The following IKBKB-DT variants were observed in gnomAD, a reference collection of about 807,000 sequenced individuals.
The protein encoded by IKBKB-DT is IKBKB divergent transcript, also known as IKBKB antisense RNA.
intron 3 of IKBKB-DT, among the ~76,000 whole-genome samples, chr8:42,253,772 C>T (rs144827520): frequency 4.6e-5 from 7 of 152,190 alleles, no homozygotes; most frequent in African/African-American, 9.6e-5. Flanking sequence ...GAGAGTACAC[C>T]GAACAAAGGA....
intron 3 of IKBKB-DT, among the ~76,000 whole-genome samples, chr8:42,236,025 T>G (rs1806917450): frequency 6.6e-6 from 1 of 151,938 alleles, no homozygotes; most frequent in Non-Finnish European, 1.5e-5. Flanking sequence ...AGACTCCATC[T>G]CAAAAAACAA....
intron 3 of IKBKB-DT, among the ~76,000 whole-genome samples, chr8:42,238,133 A>G (rs1443435916): frequency 6.6e-6 from 1 of 151,668 alleles, no homozygotes; most frequent in African/African-American, 2.4e-5. Context: ...AGCAGTAACT[A>G]GGAATTCCGA....
intron 3 of IKBKB-DT, among the ~76,000 whole-genome samples, chr8:42,235,499 A>G (rs1480059367): frequency 1.3e-5 from 2 of 152,060 alleles, no homozygotes; most frequent in African/African-American, 2.4e-5. Context: ...GCCACCGCAC[A>G]TGGCCTGATT....
chr8:42,266,052 A>G (rs1159525170), exon 2 of IKBKB-DT: 1 of 152,346 alleles, frequency 6.6e-6, no homozygotes, highest in African/African-American at 2.4e-5. Context: ...GGTCCCCAGA[A>G]CAAAGGCAGA....
chr8:42,240,226 T>TTG (rs1333037002), intron 3 of IKBKB-DT, among the ~76,000 whole-genome samples: 1 of 151,818 alleles, frequency 6.6e-6, no homozygotes, highest in Admixed American at 6.6e-5. Context: ...AAATGCTGTT[T>TTG]TTTTTTTTTT....
chr8:42,266,726 G>T (rs561563717), intron 1 of IKBKB-DT, among the ~76,000 whole-genome samples: 44 of 152,212 alleles, frequency 2.9e-4, no homozygotes, highest in African/African-American at 8.9e-4. Flanking sequence ...TAAAGAAGCC[G>T]GCTCTAACCC....
chr8:42,251,515 T>C (rs564745039), intron 3 of IKBKB-DT, among the ~76,000 whole-genome samples: 4 of 152,260 alleles, frequency 2.6e-5, no homozygotes, highest in South Asian at 2.1e-4. Flanking sequence ...AACAGTTACA[T>C]AGGATAGGGT....
At chr8:42,240,969 C>T (rs545642049) in intron 3 of IKBKB-DT, among the ~76,000 whole-genome samples, 26 of 151,346 alleles carry the variant, frequency 1.7e-4, no homozygotes, top group Admixed American at 9.2e-4. Flanking sequence ...AGCAAGACTC[C>T]GTCTCAAAAA....
intron 3 of IKBKB-DT, among the ~76,000 whole-genome samples, chr8:42,261,152 C>A (rs1807283013): frequency 6.6e-6 from 1 of 152,024 alleles, no homozygotes; most frequent in Admixed American, 6.6e-5. Context: ...ATGGTGAGAC[C>A]CCACCTCTAC....
chr8:42,258,636 T>C (rs1757856117), intron 3 of IKBKB-DT, among the ~76,000 whole-genome samples: 1 of 151,518 alleles, frequency 6.6e-6, no homozygotes, highest in Non-Finnish European at 1.5e-5. Flanking sequence ...GCCCGGCTAA[T>C]TTTTTGTATT....
At chr8:42,237,209 C>T (rs1015382371) in intron 3 of IKBKB-DT, among the ~76,000 whole-genome samples, 1 of 152,050 alleles carries the variant, frequency 6.6e-6, no homozygotes, top group Non-Finnish European at 1.5e-5. Flanking sequence ...GCCTTAGCCT[C>T]CCGAGTAGCT....
intron 3 of IKBKB-DT, among the ~76,000 whole-genome samples, chr8:42,261,514 C>T (rs1024380880): frequency 2.0e-5 from 3 of 152,152 alleles, no homozygotes; most frequent in African/African-American, 7.2e-5. Context: ...AAATGCCATA[C>T]ACCCTGTAGT....
At chr8:42,250,664 G>A (rs914602489) in intron 3 of IKBKB-DT, among the ~76,000 whole-genome samples, 22 of 152,176 alleles carry the variant, frequency 1.4e-4, no homozygotes, top group African/African-American at 2.7e-4. Context: ...GGCAGGGAAC[G>A]GTGGTGATGG....
At chr8:42,259,114 C>T (rs1469180451) in intron 3 of IKBKB-DT, among the ~76,000 whole-genome samples, 1 of 152,092 alleles carries the variant, frequency 6.6e-6, no homozygotes, top group Non-Finnish European at 1.5e-5. Context: ...CAACCTCTGC[C>T]TCTCGGGTTC....
chr8:42,254,769 G>A (rs1286156860), intron 3 of IKBKB-DT, among the ~76,000 whole-genome samples: 2 of 142,590 alleles, frequency 1.4e-5, no homozygotes, highest in Non-Finnish European at 3.0e-5. Context: ...CTGCCCAGCC[G>A]CCCAACTGTC....
In IKBKB-DT at chr8:42,235,921, G is replaced by A. The variant is rs543136340; in HGVS notation, n.1530-2062C>T. On this transcript the variant is annotated intron_variant and non_coding_transcript_variant, in intron 3 of 3. Coordinates refer to ENST00000518213, the Ensembl canonical transcript of IKBKB-DT. ...AGGCATGGTGGCGGGCACCTGTTGAGGCAGGAGGATTGCTTGAACCGGGTG... is the reference window on the plus strand; with the variant it reads ...AGGCATGGTGGCGGGCACCTGTTGAAGCAGGAGGATTGCTTGAACCGGGTG... Among the ~76,000 whole-genome samples the A allele has an allele frequency of 3.7e-4, 56 of 152,200 alleles. No homozygotes were observed. In the South Asian group the frequency reaches 0.011, roughly 30 times the overall value.
intron 3 of IKBKB-DT, among the ~76,000 whole-genome samples, chr8:42,247,549 C>T (rs961194668): frequency 2.0e-5 from 3 of 152,008 alleles, no homozygotes; most frequent in Admixed American, 6.6e-5. Flanking sequence ...GGTTTTGAAA[C>T]GTGAAAGGGC....
chr8:42,256,004 C>A lies in IKBKB-DT; in HGVS notation n.1529+7325G>T, dbSNP rs191320029. 4.1e-3 allele frequency among the ~76,000 whole-genome samples: 587 copies of A among 144,246 alleles called. 5 individuals carry two copies. Among genetic ancestry groups the A allele is most frequent in the African/African-American group, 0.014 (559 of 38,928 alleles). The allele number at this position is 144,246 out of a possible 152,430, so 94.6% of individuals were successfully genotyped here. On this transcript the variant is annotated intron_variant and non_coding_transcript_variant, in intron 3 of 3. Coordinates refer to ENST00000518213, the Ensembl canonical transcript of IKBKB-DT. ...TTGCACCATTGCACTCCAGCCTGGG[C>A]GACAAGAGTGAAACTCCATCTCAAA...
chr8:42,241,487 G>C (rs559355277), intron 3 of IKBKB-DT, among the ~76,000 whole-genome samples: 3 of 151,848 alleles, frequency 2.0e-5, no homozygotes, highest in Non-Finnish European at 4.4e-5. Context: ...ACTGCTTCTA[G>C]TTTCAAAATG....
Sources: gnomAD v4.1 joint callset for allele counts (sites outside exome capture counted in the v4.1 genomes callset) on GRCh38, gnomAD v4.1.1 for gene constraint, MANE v1.5 for transcripts, NCBI Gene and HGNC (gene_info 2026-07-23, HGNC 2026-07-21) for gene names.